The following MYOM2 variants were observed in gnomAD, a reference collection of about 807,000 sequenced individuals.
MYOM2 encodes myomesin 2.
In MYOM2, 254 loss-of-function variants were observed where a neutral mutation model predicts 187.6. That is an observed-to-expected ratio of 1.35 (90% CI 1.22 to 1.50). The LOEUF (loss-of-function observed/expected upper bound fraction) is 1.50, where lower values mean the gene tolerates loss of function less well. MYOM2 is among the 40% of genes most tolerant of loss of function. The pLI is 0.00. For missense variants in MYOM2, 2,796 were observed against 1,924.0 expected (o/e 1.45, Z -8.48); for synonymous variants, 981 against 753.8 (o/e 1.30, Z -4.94).
At chr8:2,117,975 G>GA in intron 28 of MYOM2, 23 bp downstream of exon 28, 1 of 1,605,100 alleles carries the variant, frequency 6.2e-7, no homozygotes, top group African/African-American at 1.3e-5. Context: ...GTTCTAACAG[G>GA]AAAACAATAA....
At chr8:2,093,290 A>G (rs768889209) in intron 16 of MYOM2, among the ~76,000 whole-genome samples, 24 of 152,260 alleles carry the variant, frequency 1.6e-4, no homozygotes, top group South Asian at 4.1e-4. Context: ...AAGATCGATC[A>G]GAATAAGAAA....
At chr8:2,119,647 T>C (rs1434786334) in intron 28 of MYOM2, among the ~76,000 whole-genome samples, 4 of 151,782 alleles carry the variant, frequency 2.6e-5, no homozygotes, top group Non-Finnish European at 5.9e-5. Context: ...CAGCTGGCAG[T>C]GAGGGAGAGC....
intron 22 of MYOM2, 25 bp from the exon 23 acceptor site, chr8:2,106,466 T>A (rs761936589): frequency 6.2e-7 from 1 of 1,610,564 alleles, no homozygotes; most frequent in Non-Finnish European, 8.5e-7. Flanking sequence ...ATGATCGACA[T>A]TCACCTACTC....
chr8:2,090,915 T>C lies in MYOM2; in HGVS notation c.1828+724T>C, dbSNP rs60660147. ...CATGTCTTGGCTATTGTGTGAATAG[T>C]GCTGCAATGAACATTCGCATCCATA... On this transcript the variant is annotated intron_variant, in intron 15 of 36. Coordinates refer to ENST00000262113, the MANE Select transcript of MYOM2 (RefSeq NM_003970.4). Among the ~76,000 whole-genome samples the C allele has an allele frequency of 1.5e-3, 230 of 152,218 alleles. 2 individuals carry two copies. The East Asian group carries it at 0.021, about 14-fold the overall frequency.
intron 18 of MYOM2, chr8:2,097,942 C>G (rs981290512): frequency 6.6e-6 from 1 of 151,648 alleles, no homozygotes; most frequent in African/African-American, 2.4e-5. Flanking sequence ...CTTTGTCCCT[C>G]TGTCCAGCGC....
chr8:2,075,211 C>T (rs952088526), intron 10 of MYOM2, among the ~76,000 whole-genome samples: 3 of 152,202 alleles, frequency 2.0e-5, no homozygotes, highest in Non-Finnish European at 2.9e-5. Flanking sequence ...TAGACACTCC[C>T]GCCAAGTTTC....
chr8:2,099,692 C>T (rs1211767021), intron 19 of MYOM2, among the ~76,000 whole-genome samples: 1 of 152,156 alleles, frequency 6.6e-6, no homozygotes, highest in Non-Finnish European at 1.5e-5. Context: ...GTAGCTGGGG[C>T]CACAGGTTCA....
At chr8:2,092,265 G>A (rs1185783172) in intron 15 of MYOM2, 81 bp from the exon 16 acceptor site, 1 of 1,510,500 alleles carries the variant, frequency 6.6e-7, no homozygotes. Context: ...CCAGTTCCCT[G>A]TGAAAAGGGC....
rs746401680 is a variant in MYOM2, at chr8:2,140,883, C to G, written c.3961C>G (p.Gln1321Glu). The change falls in exon 33 of 37, where the codon CAA becomes GAA. Residue 1321 changes from glutamine to glutamate, a missense_variant. By Grantham distance (29) the Gln-to-Glu change is conservative. Transcript: ENST00000262113. ...NHQRSLDLSG[Q>E]AFDEAFAEFQ... ...TCAACGCTCCCTTGACCTGTCCGGA[C>G]AAGGTAAGAGAATTCTTCTTTAGCA... 1.2e-6 allele frequency: 2 copies of G among 1,608,364 alleles called. No individual in the cohort carries two copies. Among genetic ancestry groups the G allele is most frequent in the Non-Finnish European group, 1.7e-6 (2 of 1,176,856 alleles).
intron 6 of MYOM2, among the ~76,000 whole-genome samples, chr8:2,067,743 C>T (rs1213565157): frequency 2.0e-5 from 2 of 99,712 alleles, no homozygotes; most frequent in Non-Finnish European, 4.3e-5. Context: ...ATTCCTAAGT[C>T]ATGTTTTTTT....
At chr8:2,084,615 A>G (rs572094148) in intron 13 of MYOM2, among the ~76,000 whole-genome samples, 21 of 152,324 alleles carry the variant, frequency 1.4e-4, no homozygotes, top group Admixed American at 1.0e-3. Context: ...AAAAAGATGT[A>G]TGTCAGAAGA....
At chr8:2,144,348 A>G (rs1336189151) in intron 36 of MYOM2, among the ~76,000 whole-genome samples, 2 of 152,362 alleles carry the variant, frequency 1.3e-5, no homozygotes, top group South Asian at 2.1e-4. Flanking sequence ...TATATCTACT[A>G]TAAAACATAG....
chr8:2,118,013 C>T (rs968902938), intron 28 of MYOM2, 61 bp downstream of exon 28: 1 of 1,450,886 alleles, frequency 6.9e-7, no homozygotes, highest in Non-Finnish European at 9.6e-7. Flanking sequence ...ATCAGAGAGG[C>T]CTTTCAGGGA....
intron 28 of MYOM2, among the ~76,000 whole-genome samples, chr8:2,122,005 C>T (rs1797475929): frequency 6.6e-6 from 1 of 152,148 alleles, no homozygotes; most frequent in African/African-American, 2.4e-5. Context: ...AGGACAAATA[C>T]ATTAATTACA....
At chr8:2,048,884 G>C (rs892982747) in intron 1 of MYOM2, among the ~76,000 whole-genome samples, 14 of 151,788 alleles carry the variant, frequency 9.2e-5, no homozygotes, top group African/African-American at 3.4e-4. Flanking sequence ...CCGCCTCCCA[G>C]GTTCACGCCA....
chr8:2,080,819 C>T (rs1337071768), intron 13 of MYOM2, among the ~76,000 whole-genome samples: 2 of 143,844 alleles, frequency 1.4e-5, no homozygotes, highest in Non-Finnish European at 2.9e-5. Context: ...TTCTGGCCTC[C>T]GGGAGGAACA....
chr8:2,106,626 G>T, intron 23 of MYOM2, 29 bp downstream of exon 23: 1 of 1,511,306 alleles, frequency 6.6e-7, no homozygotes, highest in Non-Finnish European at 9.0e-7. Flanking sequence ...AACCTTGCCT[G>T]TTTTGGTTTT....
chr8:2,051,096 C>G (rs1207766547), intron 2 of MYOM2, among the ~76,000 whole-genome samples: 2 of 152,098 alleles, frequency 1.3e-5, no homozygotes, highest in South Asian at 2.1e-4. Context: ...AGCTCCTGAT[C>G]GAGGTGGGGA....
chr8:2,099,801 A>G (rs1485454638), intron 19 of MYOM2, among the ~76,000 whole-genome samples: 2 of 152,226 alleles, frequency 1.3e-5, no homozygotes, highest in Non-Finnish European at 1.5e-5. Context: ...ATTAAGTGCA[A>G]TGGATAATAT....
Sources: gnomAD v4.1 joint callset for allele counts (sites outside exome capture counted in the v4.1 genomes callset) on GRCh38, gnomAD v4.1.1 for gene constraint, MANE v1.5 for transcripts, NCBI Gene and HGNC (gene_info 2026-07-23, HGNC 2026-07-21) for gene names.